The following SLC7A11 variants were observed in gnomAD, a reference collection of about 807,000 sequenced individuals.
SLC7A11 encodes the protein cystine/glutamate transporter.
Under a neutral mutation model 54.5 loss-of-function variants are expected in SLC7A11, and 35 were observed. That is an observed-to-expected ratio of 0.64 (90% CI 0.49 to 0.85). The LOEUF is 0.85. Ranked by LOEUF, SLC7A11 falls within the 40% of genes least tolerant of loss-of-function variation. The pLI, the probability that SLC7A11 is intolerant of heterozygous loss-of-function variation, is 0.00. For synonymous variants in SLC7A11, 230 were observed against 225.2 expected, an observed-to-expected ratio of 1.02 and a Z score of -0.19; for missense variants, 583 against 618.1, an observed-to-expected ratio of 0.94 and a Z score of 0.60.
At chr4:138,225,109 T>C (rs1165860988) in intron 3 of SLC7A11, among the ~76,000 whole-genome samples, 11 of 141,756 alleles carry the variant, frequency 7.8e-5, no homozygotes, top group Admixed American at 3.0e-4. Context: ...ACAGAGGTGT[T>C]AACTCACTTG....
intron 3 of SLC7A11, 141 bp from the exon 4 acceptor site, chr4:138,223,465 G>C: frequency 1.2e-6 from 1 of 840,560 alleles, no homozygotes; most frequent in Non-Finnish European, 1.8e-6. Flanking sequence ...AGAATCTCAG[G>C]CTCTGCCCCA....
At chr4:138,233,106 C>A (rs1233612602) in intron 2 of SLC7A11, among the ~76,000 whole-genome samples, 1 of 151,878 alleles carries the variant, frequency 6.6e-6, no homozygotes, top group Non-Finnish European at 1.5e-5. Context: ...GAAAATTGCA[C>A]AGACCTTTTC....
chr4:138,192,768 A>C (rs753898680), intron 6 of SLC7A11, among the ~76,000 whole-genome samples: 27 of 152,246 alleles, frequency 1.8e-4, no homozygotes, highest in Non-Finnish European at 2.8e-4. Context: ...AATAATTATT[A>C]TTCTTACTTC....
rs1250215585 is a variant in SLC7A11 at position 138,170,211 on chromosome 4, A to G, written c.*1745T>C. Reference sequence around the variant, plus strand: ...CTCTCATTTGTAAGTTCCACTATATATATATATATATATATATAAAAAGTG... The same window carrying G: ...CTCTCATTTGTAAGTTCCACTATATGTATATATATATATATATAAAAAGTG... On this transcript the variant is annotated 3_prime_UTR_variant, in exon 12 of 12. Transcript: ENST00000280612. The G allele has an allele frequency of 5.8e-4, 74 of 127,588 alleles. No individual in the cohort carries two copies. The highest frequency in any genetic ancestry group is 2.0e-3 in the African/African-American group (69 of 35,150). 7.9% of individuals were successfully genotyped at this position (127,588 alleles called of 1,614,324 possible).
Position 138,182,329 on chromosome 4 carries a change from T to C in SLC7A11, c.1084A>G (p.Lys362Glu), listed in dbSNP as rs142104646. Residue 362 changes from lysine to glutamate, a missense_variant, in exon 9 of 12, where the codon AAG becomes GAG. Transcript: ENST00000280612. ...ATAACAGCTGGTAGAGGAGTGTGCT[T>C]GCGGACATGAATCATGGAGAGGATT... ...PEILSMIHVR[K>E]HTPLPAVIVL... is the part of the protein sequence containing the mutation. 1.2e-6 allele frequency: 2 copies of C among 1,611,644 alleles called. No individual in the cohort carries two copies. Among genetic ancestry groups the C allele is most frequent in the African/African-American group, 2.7e-5 (2 of 74,912 alleles).
chr4:138,231,435 A>T (rs2148452540), intron 3 of SLC7A11, among the ~76,000 whole-genome samples: 1 of 152,258 alleles, frequency 6.6e-6, no homozygotes, highest in East Asian at 1.9e-4. Context: ...AGCCATACAA[A>T]CTAAAAATTC....
At chr4:138,214,386 TATATAATTATAA>T (rs1368338489) in intron 6 of SLC7A11, among the ~76,000 whole-genome samples, 187 bp downstream of exon 6, 1 of 151,058 alleles carries the variant, frequency 6.6e-6, no homozygotes, top group Non-Finnish European at 1.5e-5. Flanking sequence ...AAGCTATTTG[TATATAATTATAA>T]ATATAATTAT....
At chr4:138,241,096 C>T (rs1738366762) in intron 1 of SLC7A11, among the ~76,000 whole-genome samples, 2 of 152,068 alleles carry the variant, frequency 1.3e-5, no homozygotes, top group South Asian at 4.2e-4. Context: ...GTACAGAAAA[C>T]TAACGCCCAA....
intron 6 of SLC7A11, among the ~76,000 whole-genome samples, chr4:138,196,573 C>T (rs906392457): frequency 2.6e-5 from 4 of 151,514 alleles, no homozygotes; most frequent in African/African-American, 9.7e-5. Flanking sequence ...GGATGAAGCA[C>T]CATGGGGAAA....
At position 138,202,447 on chromosome 4, in the gene SLC7A11, G is replaced by T. The variant is rs556519344; in HGVS notation, c.791+12138C>A. On this transcript the variant is annotated intron_variant, in intron 6 of 11. Coordinates refer to ENST00000280612, the MANE Select transcript of SLC7A11 (RefSeq NM_014331.4). ...CCATTCAAACTTTTTAACATTTTCT[G>T]AGACAACTGAGGAAACTTTGGTCCT... Among the ~76,000 whole-genome samples the T allele has an allele frequency of 3.3e-5, 5 of 152,150 alleles. No individual in the cohort carries two copies. The East Asian group carries it at 9.7e-4, about 29-fold the overall frequency.
chr4:138,183,878 C>T (rs1736810766), intron 7 of SLC7A11, among the ~76,000 whole-genome samples: 2 of 152,028 alleles, frequency 1.3e-5, no homozygotes, highest in South Asian at 4.2e-4. Context: ...TCCCTCCCTC[C>T]CCCTCATGTA....
chr4:138,181,415 A>G lies in SLC7A11; in HGVS notation c.1117-625T>C, dbSNP rs114076228. Among the ~76,000 whole-genome samples, 1,273 of 152,226 alleles carry G rather than the reference A, an allele frequency of 8.4e-3. 13 individuals are homozygous for G. Among genetic ancestry groups the G allele is most frequent in the African/African-American group, 0.029 (1,216 of 41,530 alleles). On this transcript the variant is annotated intron_variant, in intron 9 of 11. Coordinates refer to ENST00000280612, the MANE Select transcript of SLC7A11 (RefSeq NM_014331.4). Reference sequence around the variant, plus strand: ...CAGCTTAGCAAGTCTCTGCAGCTGCACATGCCAAGGACAGCATGACTGATA... The same window carrying G: ...CAGCTTAGCAAGTCTCTGCAGCTGCGCATGCCAAGGACAGCATGACTGATA...
intron 6 of SLC7A11, among the ~76,000 whole-genome samples, chr4:138,208,390 A>G (rs1376568245): frequency 2.6e-5 from 4 of 152,102 alleles, no homozygotes; most frequent in South Asian, 2.1e-4. Flanking sequence ...AAGGTCAAAG[A>G]AAAGCAATTC....
intron 6 of SLC7A11, among the ~76,000 whole-genome samples, chr4:138,190,411 C>T (rs4597880): frequency 3.2e-4 from 48 of 151,974 alleles, no homozygotes; most frequent in African/African-American, 1.1e-3. Context: ...ATATTAAGTA[C>T]CTTTTGATTC....
At chr4:138,209,680 T>G (rs928009259) in intron 6 of SLC7A11, among the ~76,000 whole-genome samples, 1 of 151,932 alleles carries the variant, frequency 6.6e-6, no homozygotes, top group South Asian at 2.1e-4. Flanking sequence ...GAAATACATC[T>G]AACCAAGGAA....
At position 138,236,323 on chromosome 4, in the gene SLC7A11, A is replaced by T. The variant is rs1738205125; in HGVS notation, c.404+2T>A. ...TCTTAATTCTTTCTACTATGCTCTT[A>T]CCGTATTATGAGGAGTTCCACCCAG... is the stretch of plus-strand genomic sequence containing the variant. On this transcript the variant is annotated splice_donor_variant, in intron 2 of 11. Coordinates refer to ENST00000280612, the MANE Select transcript of SLC7A11 (RefSeq NM_014331.4). LOFTEE classifies it high-confidence loss of function. 1.2e-6 allele frequency: 2 copies of T among 1,604,006 alleles called. No individual in the cohort carries two copies. Among genetic ancestry groups the T allele is most frequent in the Admixed American group, 3.5e-5 (2 of 57,216 alleles).
intron 11 of SLC7A11, among the ~76,000 whole-genome samples, chr4:138,174,099 C>T (rs1736505644): frequency 6.6e-6 from 1 of 152,158 alleles, no homozygotes; most frequent in South Asian, 2.1e-4. Context: ...AAGAGATCCT[C>T]CTGCCCATAG....
intron 1 of SLC7A11, among the ~76,000 whole-genome samples, chr4:138,237,729 ATATATATATTTTTTTTTTTTTTTTTT>A (rs1332046694): frequency 1.9e-4 from 2 of 10,310 alleles, no homozygotes; most frequent in African/African-American, 7.5e-4. Flanking sequence ...ATATATATAT[ATATATATATTTTTTTTTTTTTTTTTT>A]TTTTTTTTTT....
At chr4:138,186,212 C>T (rs1465871741) in intron 6 of SLC7A11, among the ~76,000 whole-genome samples, 1 of 152,130 alleles carries the variant, frequency 6.6e-6, no homozygotes, top group African/African-American at 2.4e-5. Flanking sequence ...CAACTTAAAC[C>T]TTCAACTGCC....
Sources: gnomAD v4.1 joint callset for allele counts (sites outside exome capture counted in the v4.1 genomes callset) on GRCh38, gnomAD v4.1.1 for gene constraint, MANE v1.5 for transcripts, NCBI Gene and HGNC (gene_info 2026-07-23, HGNC 2026-07-21) for gene names.